Variants in ATP10D observed in about 807,000 individuals in gnomAD.
ATP10D encodes phospholipid-transporting ATPase VD.
ATP10D carries 89 observed loss-of-function variants against 144.8 expected under a neutral mutation model. The ratio of observed to expected loss-of-function variants is 0.61; its 90% CI spans 0.52 to 0.73. The LOEUF (loss-of-function observed/expected upper bound fraction) is 0.73. Among genes scored for constraint, ATP10D ranks in the 30% least tolerant of loss-of-function variants. ATP10D has a pLI of 0.00. For synonymous variants in ATP10D, 571 were observed against 615.1 expected (o/e 0.93, Z 1.06); for missense variants, 1,603 against 1,714.8 (o/e 0.93, Z 1.15).
chr4:47,516,928 AG>A (rs1716719532), intron 3 of ATP10D, among the ~76,000 whole-genome samples: 1 of 152,224 alleles, frequency 6.6e-6, no homozygotes, highest in African/African-American at 2.4e-5. Context: ...ATTATATACC[AG>A]AGATAGAGAA....
At chr4:47,515,380 A>T in intron 2 of ATP10D, 96 bp from the exon 3 acceptor site, 1 of 933,398 alleles carries the variant, frequency 1.1e-6, no homozygotes, top group Non-Finnish European at 1.6e-6. Context: ...AAAATCTACT[A>T]ATAGAAACTT....
intron 19 of ATP10D, among the ~76,000 whole-genome samples, chr4:47,577,864 T>G (rs1471590403): frequency 6.6e-6 from 1 of 152,174 alleles, no homozygotes; most frequent in Non-Finnish European, 1.5e-5. Flanking sequence ...CAAGCCAGGA[T>G]GCAAGAACAT....
chr4:47,591,983 A>C lies in ATP10D; in HGVS notation c.*602A>C, dbSNP rs1324466677. On this transcript the variant is annotated 3_prime_UTR_variant, in exon 23 of 23. Coordinates refer to ENST00000273859, the MANE Select transcript of ATP10D (RefSeq NM_020453.4). ...GAAGATGCTTTTGGTCTTCTGGCTG[A>C]AGATGTAGGCATACCTCTCACTCAT... is the stretch of plus-strand genomic sequence containing the variant. 2 of 152,154 alleles carry C rather than the reference A, an allele frequency of 1.3e-5. No homozygotes were observed. The highest frequency in any genetic ancestry group is 2.9e-5 in the Non-Finnish European group (2 of 68,022). The allele number at this position is 152,154 out of a possible 1,614,324, so 9.4% of individuals were successfully genotyped here.
chr4:47,504,719 C>G (rs1047545885), intron 1 of ATP10D, among the ~76,000 whole-genome samples: 1 of 152,254 alleles, frequency 6.6e-6, no homozygotes, highest in East Asian at 1.9e-4. Flanking sequence ...CCCGCCACCA[C>G]GCCTGGCTAA....
intron 2 of ATP10D, among the ~76,000 whole-genome samples, chr4:47,515,126 A>G (rs1716562140): frequency 6.6e-6 from 1 of 151,846 alleles, no homozygotes; most frequent in African/African-American, 2.4e-5. Context: ...ACACCCAGCT[A>G]ATTTTTGTAT....
intron 1 of ATP10D, among the ~76,000 whole-genome samples, chr4:47,489,754 G>A (rs1211754354): frequency 6.6e-6 from 1 of 152,132 alleles, no homozygotes; most frequent in East Asian, 1.9e-4. Flanking sequence ...AAGCTATTCT[G>A]CTCACATTCA....
chr4:47,539,787 AT>A (rs1184411156), intron 9 of ATP10D, among the ~76,000 whole-genome samples: 1 of 152,118 alleles, frequency 6.6e-6, no homozygotes, highest in Admixed American at 6.6e-5. Context: ...GCACTGCTTT[AT>A]TTTTTTGTAT....
In ATP10D at chr4:47,536,948, G is replaced by A. The variant is rs1425025821; in HGVS notation, c.1396+10G>A. On this transcript the variant is annotated intron_variant, in intron 9 of 22. Coordinates refer to ENST00000273859, the MANE Select transcript of ATP10D (RefSeq NM_020453.4). The stretch of plus-strand genomic sequence containing the variant: ...TGCCATGAAGAAAATGGTGAGTGTT[G>A]GATTTCCGTGAAAACCAACCTTAGC... 6.3e-7 allele frequency: 1 copy of A among 1,592,130 alleles called. No homozygotes were observed. The highest frequency in any genetic ancestry group is 8.5e-7 in the Non-Finnish European group (1 of 1,170,672).
intron 1 of ATP10D, among the ~76,000 whole-genome samples, chr4:47,496,500 G>A (rs1051426408): frequency 1.3e-5 from 2 of 152,154 alleles, no homozygotes; most frequent in Admixed American, 6.5e-5. Flanking sequence ...TTTCTACTGA[G>A]GGCCAGAGAG....
intron 5 of ATP10D, among the ~76,000 whole-genome samples, 162 bp from the exon 6 acceptor site, chr4:47,535,347 C>A (rs1717788111): frequency 6.6e-6 from 1 of 151,028 alleles, no homozygotes; most frequent in East Asian, 1.9e-4. Context: ...AAAAACAAAG[C>A]AAGTAACTGC....
chr4:47,572,680 T>TGTGTGTGTG (rs780550058), intron 17 of ATP10D, among the ~76,000 whole-genome samples, 192 bp from the exon 18 acceptor site: 8 of 141,684 alleles, frequency 5.6e-5, no homozygotes, highest in South Asian at 2.3e-4. Flanking sequence ...TGTGTGTGTG[T>TGTGTGTGTG]TGGATGGTAT....
intron 9 of ATP10D, among the ~76,000 whole-genome samples, chr4:47,545,599 AGAAGATAG>A (rs1036569513): frequency 6.9e-6 from 1 of 145,230 alleles, no homozygotes; most frequent in African/African-American, 2.5e-5. Context: ...AAAATAAGAA[AGAAGATAG>A]GAAATTAGGA....
chr4:47,487,717 A>G (rs183682131), intron 1 of ATP10D, among the ~76,000 whole-genome samples: 246 of 152,362 alleles, frequency 1.6e-3, no homozygotes, highest in African/African-American at 4.9e-3. Context: ...ATCGCTTTGC[A>G]GAATAAGGAC....
At position 47,592,756 on chromosome 4, in the gene ATP10D, A is replaced by G. The variant is rs1406285929; in HGVS notation, c.*1375A>G. 1.3e-5 allele frequency: 2 copies of G among 152,516 alleles called. No homozygotes were observed. The highest frequency in any genetic ancestry group is 2.9e-5 in the Non-Finnish European group (2 of 67,984). The allele number at this position is 152,516 out of a possible 1,614,324, so 9.4% of individuals were successfully genotyped here. A position where few individuals can be genotyped will look rare whatever the true frequency, so the allele number is the denominator to read the frequency against. On this transcript the variant is annotated 3_prime_UTR_variant, in exon 23 of 23. Coordinates refer to ENST00000273859, the MANE Select transcript of ATP10D (RefSeq NM_020453.4). ...TCTGACATTTTTGTAGCCTTCTGTTATTATTGGAAATAGTCTCTTACATAA... is the reference window on the plus strand; with the variant it reads ...TCTGACATTTTTGTAGCCTTCTGTTGTTATTGGAAATAGTCTCTTACATAA...
chr4:47,588,005 AC>A (rs1384387683), intron 22 of ATP10D, among the ~76,000 whole-genome samples: 1 of 152,092 alleles, frequency 6.6e-6, no homozygotes, highest in Non-Finnish European at 1.5e-5. Flanking sequence ...AGTGGCATGA[AC>A]CTACATATGT....
Position 47,568,119 on chromosome 4 carries a change from A to G in ATP10D, c.2854-718A>G, listed in dbSNP as rs532027897. Among the ~76,000 whole-genome samples, 15 of 152,342 alleles carry G rather than the reference A, an allele frequency of 9.8e-5. 1 individual carries two copies. The highest frequency in any genetic ancestry group is 3.1e-4 in the African/African-American group (13 of 41,576). On this transcript the variant is annotated intron_variant, in intron 15 of 22. Transcript: ENST00000273859. ...TCATGAAGACTTCAAAAGTAAATTA[A>G]AAGTGATAACTGCCTTTAAAGAACT...
At chr4:47,499,534 C>T (rs778442285) in intron 1 of ATP10D, among the ~76,000 whole-genome samples, 29 of 152,144 alleles carry the variant, frequency 1.9e-4, no homozygotes, top group South Asian at 6.2e-4. Context: ...TAAAATTATT[C>T]AAAACAAGGA....
rs1194169229 is a variant in ATP10D at position 47,580,572 on chromosome 4, T to C, written c.3648+94T>C. 3.7e-6 allele frequency: 4 copies of C among 1,094,390 alleles called. No individual in the cohort carries two copies. In the Admixed American group the frequency reaches 6.9e-5, roughly 19 times the overall value. The allele number at this position is 1,094,390 out of a possible 1,614,324, so 67.8% of individuals were successfully genotyped here. A position where few individuals can be genotyped will look rare whatever the true frequency, so the allele number is the denominator to read the frequency against. On this transcript the variant is annotated intron_variant, in intron 20 of 22. Transcript: ENST00000273859. ...AATTTCAGCATAAAGGAGGGCAGAT[T>C]GCTCATATAATCAGGTTGATTATTA... is the stretch of plus-strand genomic sequence containing the variant.
In ATP10D at chr4:47,546,677, GAC is replaced by G. The variant is rs760567407; in HGVS notation, c.1454_1455del (p.Thr485SerfsTer21). 1.9e-6 allele frequency: 3 copies of G among 1,614,074 alleles called. No individual in the cohort carries two copies. The highest frequency in any genetic ancestry group is 2.2e-5 in the East Asian group (1 of 44,878). On this transcript the variant is annotated frameshift_variant, in exon 10 of 23. Transcript: ENST00000273859. LOFTEE classifies it high-confidence loss of function. The stretch of plus-strand genomic sequence containing the variant: ...TGTCTCTGAAGATGAAGATTTTATA[GAC>G]ACAGTCAGTGGTTCCCTCAGCAATA... ...EAVSEDEDFI[D>X]TVSGSLSNMA...
Sources: allele counts gnomAD v4.1 joint callset (sites outside exome capture counted in the v4.1 genomes callset), GRCh38; gene constraint gnomAD v4.1.1; transcripts MANE v1.5; gene names NCBI Gene and HGNC (gene_info 2026-07-23, HGNC 2026-07-21).